The following MCMDC2 variants were observed in gnomAD, a reference collection of about 807,000 sequenced individuals.
MCMDC2 encodes the protein minichromosome maintenance domain-containing protein 2.
Under a neutral mutation model 75.8 loss-of-function variants are expected in MCMDC2, and 54 were observed. The observed-to-expected ratio is 0.71, with a 90% CI of 0.57 to 0.89. The LOEUF is 0.89. Ranked by LOEUF, MCMDC2 falls within the 40% of genes least tolerant of loss-of-function variation. The pLI is 0.00. For synonymous variants in MCMDC2, 249 were observed against 274.6 expected, an observed-to-expected ratio of 0.91 and a Z score of 0.92; for missense variants, 656 against 780.4, an observed-to-expected ratio of 0.84 and a Z score of 1.90.
rs1391905951 is a variant in MCMDC2, at chr8:66,895,174, C to G, written c.1280-996C>G. On this transcript the variant is annotated intron_variant, in intron 10 of 14. Transcript: ENST00000422365. Reference sequence around the variant, plus strand: ...TATAATAGTCAATACAATGTAAATGCTTTGCAAATTGTTATACTGTGTTGT... The same window carrying G: ...TATAATAGTCAATACAATGTAAATGGTTTGCAAATTGTTATACTGTGTTGT... 2.0e-5 allele frequency among the ~76,000 whole-genome samples: 3 copies of G among 152,232 alleles called. No individual in the cohort carries two copies. The East Asian group carries it at 5.8e-4, about 29-fold the overall frequency.
intron 13 of MCMDC2, among the ~76,000 whole-genome samples, chr8:66,903,471 A>G (rs545250279): frequency 1.4e-4 from 22 of 152,324 alleles, no homozygotes; most frequent in African/African-American, 4.8e-4. Context: ...CTTTAATACT[A>G]TATCAAATAA....
chr8:66,908,773 G>A (rs950035480), intron 14 of MCMDC2, among the ~76,000 whole-genome samples: 1 of 152,076 alleles, frequency 6.6e-6, no homozygotes, highest in Admixed American at 6.6e-5. Context: ...ACCACACCCA[G>A]TTAATTTTTG....
chr8:66,913,437 A>C (rs1246050022), intron 14 of MCMDC2, among the ~76,000 whole-genome samples: 5 of 152,234 alleles, frequency 3.3e-5, no homozygotes, highest in Non-Finnish European at 7.3e-5. Flanking sequence ...ATTTGAGGTT[A>C]ATTATAATTT....
At chr8:66,913,985 A>AT (rs1813212159) in intron 14 of MCMDC2, among the ~76,000 whole-genome samples, 1 of 146,838 alleles carries the variant, frequency 6.8e-6, no homozygotes, top group South Asian at 2.1e-4. Flanking sequence ...AAAAAAAAAA[A>AT]GTAAACACAT....
chr8:66,923,668 G>A (rs1813630796), downstream of MCMDC2, among the ~76,000 whole-genome samples: 1 of 152,034 alleles, frequency 6.6e-6, no homozygotes, highest in African/African-American at 2.4e-5. Flanking sequence ...GGGTCGGGGC[G>A]GGTGGATCAC....
chr8:66,878,960 A>G (rs774719226), intron 7 of MCMDC2, 41 bp downstream of exon 7: 6 of 1,263,216 alleles, frequency 4.7e-6, no homozygotes, highest in Non-Finnish European at 6.9e-6. Context: ...ATTGCTATAA[A>G]TATGTAATTG....
At chr8:66,890,718 A>G in intron 9 of MCMDC2, 147 bp from the exon 10 acceptor site, 2 of 714,078 alleles carry the variant, frequency 2.8e-6, no homozygotes, top group Non-Finnish European at 4.5e-6. Context: ...ACGGGATTTT[A>G]CCATGTTAGT....
intron 13 of MCMDC2, among the ~76,000 whole-genome samples, chr8:66,902,486 T>C: frequency 6.8e-6 from 1 of 148,032 alleles, no homozygotes; most frequent in East Asian, 2.0e-4. Flanking sequence ...GTCAGGAGTT[T>C]GAGCCCAGCC....
chr8:66,905,775 G>A (rs1280701790), intron 14 of MCMDC2, among the ~76,000 whole-genome samples: 2 of 152,164 alleles, frequency 1.3e-5, no homozygotes, highest in Non-Finnish European at 2.9e-5. Flanking sequence ...GGGAGGCCGA[G>A]ACAGATGGAT....
downstream of MCMDC2, among the ~76,000 whole-genome samples, chr8:66,926,032 C>T (rs1277377746): frequency 6.6e-6 from 1 of 151,982 alleles, no homozygotes; most frequent in Non-Finnish European, 1.5e-5. Flanking sequence ...GCCTGTAGTC[C>T]CAGCTACCCG....
intron 12 of MCMDC2, 135 bp downstream of exon 12, chr8:66,897,094 T>A: frequency 2.4e-6 from 2 of 828,028 alleles, no homozygotes; most frequent in Non-Finnish European, 3.6e-6. Flanking sequence ...TTAAACATTT[T>A]AAGGACATTG....
intron 14 of MCMDC2, among the ~76,000 whole-genome samples, chr8:66,915,451 C>CA (rs1195334056): frequency 0.04 from 4,944 of 122,788 alleles, 90 homozygotes; most frequent in Admixed American, 0.053. Flanking sequence ...GACTCCGTCT[C>CA]AAAAAAAAAA....
intron 14 of MCMDC2, among the ~76,000 whole-genome samples, chr8:66,908,933 TTAGTGACTGACA>T (rs1813004723): frequency 6.6e-6 from 1 of 152,146 alleles, no homozygotes; most frequent in Admixed American, 6.6e-5. Flanking sequence ...ATATATTTAC[TTAGTGACTGACA>T]CAGTTAGGCT....
At chr8:66,908,969 C>G (rs1813005825) in intron 14 of MCMDC2, among the ~76,000 whole-genome samples, 1 of 152,112 alleles carries the variant, frequency 6.6e-6, no homozygotes, top group Non-Finnish European at 1.5e-5. Context: ...TGTCCCCACC[C>G]AAATCTCATC....
intron 9 of MCMDC2, among the ~76,000 whole-genome samples, chr8:66,890,464 T>C (rs1191037932): frequency 2.0e-5 from 3 of 152,128 alleles, no homozygotes; most frequent in Non-Finnish European, 4.4e-5. Context: ...TGTGTTTTAG[T>C]TTTTTATGTC....
chr8:66,921,987 G>A lies in MCMDC2; in HGVS notation c.*2818G>A, dbSNP rs1274764563. On this transcript the variant is annotated 3_prime_UTR_variant, in exon 15 of 15. Coordinates refer to ENST00000422365, the MANE Select transcript of MCMDC2 (RefSeq NM_173518.5). Reference sequence around the variant, plus strand: ...CAGCAATTAAAAGTTAGCCAAATATGTATTTTTCTCCATAATTTATTGTGA... The same window carrying A: ...CAGCAATTAAAAGTTAGCCAAATATATATTTTTCTCCATAATTTATTGTGA... The A allele has an allele frequency of 1.3e-5, 2 of 152,690 alleles. No homozygotes were observed. The highest frequency in any genetic ancestry group is 4.8e-5 in the African/African-American group (2 of 41,452). The allele number at this position is 152,690 out of a possible 1,614,324, so 9.5% of individuals were successfully genotyped here.
At position 66,919,212 on chromosome 8, in the gene MCMDC2, G is replaced by GA. The variant is rs1554533237; in HGVS notation, c.*48dup. 2 of 1,453,596 alleles carry GA rather than the reference G, an allele frequency of 1.4e-6. No homozygotes were observed. Among genetic ancestry groups the GA allele is most frequent in the Non-Finnish European group, 1.9e-6 (2 of 1,080,432 alleles). 90.0% of individuals were successfully genotyped at this position (1,453,596 alleles called of 1,614,324 possible). On this transcript the variant is annotated 3_prime_UTR_variant, in exon 15 of 15. Coordinates refer to ENST00000422365, the MANE Select transcript of MCMDC2 (RefSeq NM_173518.5). ...TGTTCATTCCTACTTAAGCAGTGGA[G>GA]AAAAAGTGTGACTATTTTGAGAGTG...
chr8:66,898,181 C>G (rs970071609), intron 12 of MCMDC2, among the ~76,000 whole-genome samples: 1 of 151,988 alleles, frequency 6.6e-6, no homozygotes, highest in African/African-American at 2.4e-5. Flanking sequence ...AAATGTTGCC[C>G]ATTTTTTTAC....
At chr8:66,905,493 A>G in intron 14 of MCMDC2, 158 bp downstream of exon 14, 1 of 589,734 alleles carries the variant, frequency 1.7e-6, no homozygotes, top group Non-Finnish European at 2.4e-6. Flanking sequence ...TTGGGCATTT[A>G]TTAACTGTTT....
Sources: gnomAD v4.1 joint callset for allele counts (sites outside exome capture counted in the v4.1 genomes callset) on GRCh38, gnomAD v4.1.1 for gene constraint, MANE v1.5 for transcripts, NCBI Gene and HGNC (gene_info 2026-07-23, HGNC 2026-07-21) for gene names.